Variants in KIT observed in about 807,000 individuals in gnomAD.
KIT encodes mast/stem cell growth factor receptor Kit.
A neutral mutation model predicts 105.7 loss-of-function variants in KIT; 16 were observed. The observed-to-expected ratio is 0.15, with a 90% confidence interval of 0.10 to 0.23. The LOEUF is 0.23. Among genes scored for constraint, KIT ranks in the 10% least tolerant of loss-of-function variants. The probability of loss-of-function intolerance (pLI) is 1.00; values close to 1 mark genes in which losing one functional copy is unlikely to be tolerated. For missense variants in KIT, 858 were observed against 1,213.8 expected (o/e 0.71, Z 4.36); for synonymous variants, 438 against 441.1 (o/e 0.99, Z 0.09).
intron 7 of KIT, among the ~76,000 whole-genome samples, chr4:54,722,438 T>G (rs533773857): frequency 6.6e-6 from 1 of 152,292 alleles, no homozygotes; most frequent in African/African-American, 2.4e-5. Context: ...TTTAGAGAGA[T>G]GTAGAAACTT....
intron 2 of KIT, among the ~76,000 whole-genome samples, chr4:54,697,508 C>T (rs1205756552): frequency 2.6e-5 from 4 of 152,094 alleles, no homozygotes; most frequent in African/African-American, 4.8e-5. Context: ...TGAGCCACTC[C>T]GAGTCTGTTC....
intron 5 of KIT, 50 bp downstream of exon 5, chr4:54,703,942 A>AAATT: frequency 7.3e-7 from 1 of 1,370,180 alleles, no homozygotes; most frequent in Non-Finnish European, 1.0e-6. Context: ...GTGAAAGAAG[A>AAATT]AATTATTAGA....
chr4:54,660,965 G>A (rs971020249), intron 1 of KIT, among the ~76,000 whole-genome samples: 7 of 152,264 alleles, frequency 4.6e-5, no homozygotes, highest in Non-Finnish European at 5.9e-5. Context: ...TTATGAAAGC[G>A]GATTATTTGT....
chr4:54,687,431 A>T (rs1221221417), intron 1 of KIT, among the ~76,000 whole-genome samples: 1 of 151,658 alleles, frequency 6.6e-6, no homozygotes, highest in African/African-American at 2.4e-5. Context: ...ACAGAGCAAG[A>T]CCCCATCTCC....
At position 54,736,738 on chromosome 4, in the gene KIT, G is replaced by C. The variant is rs1060502546; in HGVS notation, c.2614G>C (p.Gly872Arg). The C allele has an allele frequency of 6.2e-7, 1 of 1,614,086 alleles. No individual in the cohort carries two copies. Among genetic ancestry groups the C allele is most frequent in the South Asian group, 1.1e-5 (1 of 91,080 alleles). ...TGTCTCAGGAAGCAGCCCCTATCCTGGAATGCCGGTCGATTCTAAGTTCTA... is the reference window on the plus strand; with the variant it reads ...TGTCTCAGGAAGCAGCCCCTATCCTCGAATGCCGGTCGATTCTAAGTTCTA... ...LFSLGSSPYP[G>R]MPVDSKFYKM... The change falls in exon 19 of 21, where the codon GGA (glycine) becomes CGA (arginine). Residue 872 changes from glycine to arginine, a missense_variant. This residue lies in a region of KIT where 63 missense variants were observed against 137.4 expected (regional missense o/e 0.46). Coordinates refer to ENST00000288135, the MANE Select transcript of KIT (RefSeq NM_000222.3).
intron 7 of KIT, among the ~76,000 whole-genome samples, chr4:54,711,833 G>A (rs1208453430): frequency 6.7e-6 from 1 of 150,316 alleles, no homozygotes; most frequent in Non-Finnish European, 1.5e-5. Flanking sequence ...TGAGGCAGGA[G>A]AATCACTTGA....
At chr4:54,667,414 G>A (rs1717782366) in intron 1 of KIT, among the ~76,000 whole-genome samples, 1 of 152,172 alleles carries the variant, frequency 6.6e-6, no homozygotes, top group South Asian at 2.1e-4. Flanking sequence ...GTCCTGGGTA[G>A]GCGCCAATGT....
intron 1 of KIT, among the ~76,000 whole-genome samples, chr4:54,659,493 T>G (rs73134083): frequency 0.039 from 5,908 of 152,286 alleles, 362 homozygotes; most frequent in African/African-American, 0.13. Context: ...ATGAACGGTT[T>G]TGAGACTGTC....
chr4:54,678,333 CTT>C (rs1560381232), intron 1 of KIT, among the ~76,000 whole-genome samples: 15 of 103,486 alleles, frequency 1.4e-4, no homozygotes, highest in African/African-American at 4.8e-4. Flanking sequence ...TCCTTCCTTC[CTT>C]CCTTCCTTCC....
chr4:54,666,429 G>A (rs528023628), intron 1 of KIT, among the ~76,000 whole-genome samples: 2 of 152,126 alleles, frequency 1.3e-5, no homozygotes, highest in Admixed American at 1.3e-4. Context: ...ACAGGCGCAC[G>A]CCACCATGCC....
rs186974083 is a variant in KIT, at chr4:54,678,961, C to A, written c.68-16551C>A. Among the ~76,000 whole-genome samples, 8 of 151,812 alleles carry A rather than the reference C, an allele frequency of 5.3e-5. No individual in the cohort carries two copies. In the South Asian group the frequency reaches 1.7e-3, roughly 32 times the overall value. On this transcript the variant is annotated intron_variant, in intron 1 of 20. Coordinates refer to ENST00000288135, the MANE Select transcript of KIT (RefSeq NM_000222.3). ...CCCCCTCCCCCACCTTTGCTGTGCCCCCTTGAAGACTCACTGAAGGAGACA... is the reference window on the plus strand; with the variant it reads ...CCCCCTCCCCCACCTTTGCTGTGCCACCTTGAAGACTCACTGAAGGAGACA...
intron 14 of KIT, among the ~76,000 whole-genome samples, chr4:54,730,048 T>C (rs1722491079): frequency 6.6e-6 from 1 of 152,328 alleles, no homozygotes; most frequent in Admixed American, 6.5e-5. Context: ...TTTTTAAAAA[T>C]TCTGGACATT....
intron 1 of KIT, 66 bp downstream of exon 1, chr4:54,658,147 G>T: frequency 6.7e-7 from 1 of 1,501,386 alleles, no homozygotes. Context: ...TGGGAGGGTG[G>T]TACCCGCCAG....
chr4:54,735,195 G>A lies in KIT; in HGVS notation c.2485-1303G>A, dbSNP rs867866971. Among the ~76,000 whole-genome samples, 5 of 152,134 alleles carry A rather than the reference G, an allele frequency of 3.3e-5. No individual in the cohort carries two copies. The South Asian group carries it at 6.2e-4, about 19-fold the overall frequency. On this transcript the variant is annotated intron_variant, in intron 17 of 20. Coordinates refer to ENST00000288135, the MANE Select transcript of KIT (RefSeq NM_000222.3). ...TGCTAAATTTCATCTAGAAATTAGC[G>A]AAAATAAGGATGTCATTTTTCCTTT...
intron 7 of KIT, among the ~76,000 whole-genome samples, chr4:54,722,444 A>G (rs1217752791): frequency 1.3e-5 from 2 of 152,192 alleles, no homozygotes; most frequent in Non-Finnish European, 2.9e-5. Flanking sequence ...GAGATGTAGA[A>G]ACTTACTCAA....
chr4:54,668,494 A>G (rs1296907849), intron 1 of KIT, among the ~76,000 whole-genome samples: 1 of 152,190 alleles, frequency 6.6e-6, no homozygotes, highest in Non-Finnish European at 1.5e-5. Flanking sequence ...AAAATTCCAA[A>G]CAATGGCCGG....
chr4:54,658,148 T>G (rs1371563721), intron 1 of KIT, 67 bp downstream of exon 1: 1 of 1,495,052 alleles, frequency 6.7e-7, no homozygotes, highest in Non-Finnish European at 9.3e-7. Flanking sequence ...GGGAGGGTGG[T>G]ACCCGCCAGG....
chr4:54,711,798 G>C (rs77028315), intron 7 of KIT, among the ~76,000 whole-genome samples: 4,593 of 151,940 alleles, frequency 0.03, 225 homozygotes, highest in African/African-American at 0.11. Flanking sequence ...TGATGAGTGC[G>C]TGTAATCCCA....
chr4:54,688,147 C>T (rs1451044768), intron 1 of KIT, among the ~76,000 whole-genome samples: 1 of 152,104 alleles, frequency 6.6e-6, no homozygotes, highest in South Asian at 2.1e-4. Flanking sequence ...AGCTCATACT[C>T]CCCCTCCCCC....
Sources: allele counts gnomAD v4.1 joint callset (sites outside exome capture counted in the v4.1 genomes callset), GRCh38; gene constraint gnomAD v4.1.1; regional missense constraint gnomAD v4.1.1; transcripts MANE v1.5; gene names NCBI Gene and HGNC (gene_info 2026-07-23, HGNC 2026-07-21).